Variants in SLC35E3 observed in about 807,000 individuals in gnomAD.
SLC35E3 encodes bladder cancer-overexpressed gene 1 protein.
A neutral mutation model predicts 30.8 loss-of-function variants in SLC35E3; 28 were observed. That is an observed-to-expected ratio of 0.91 (90% CI 0.67 to 1.25). SLC35E3 has a LOEUF of 1.25. Among genes scored for constraint, SLC35E3 ranks in the 50% most tolerant of loss-of-function variants. SLC35E3 has a pLI of 0.00. For synonymous variants in SLC35E3, 146 were observed against 149.2 expected (o/e 0.98, Z 0.16); for missense variants, 365 against 375.4 (o/e 0.97, Z 0.23).
At chr12:68,759,323 A>C (rs973667645) in intron 4 of SLC35E3, 84 bp downstream of exon 4, 2 of 959,102 alleles carry the variant, frequency 2.1e-6, no homozygotes, top group Non-Finnish European at 3.3e-6. Context: ...TGAATCTCAC[A>C]CTAACTATTG....
At chr12:68,763,966 C>T (rs1879304955) in intron 4 of SLC35E3, among the ~76,000 whole-genome samples, 1 of 152,086 alleles carries the variant, frequency 6.6e-6, no homozygotes, top group South Asian at 2.1e-4. Flanking sequence ...TGCCTAACTT[C>T]GACGATTTCA....
chr12:68,747,260 CT>C (rs1263086525), intron 1 of SLC35E3, among the ~76,000 whole-genome samples: 4 of 140,654 alleles, frequency 2.8e-5, no homozygotes, highest in Non-Finnish European at 6.3e-5. Flanking sequence ...TATTTAAGGT[CT>C]TTTTCTTTTT....
chr12:68,755,555 A>G (rs754408671), intron 3 of SLC35E3, among the ~76,000 whole-genome samples: 40 of 152,210 alleles, frequency 2.6e-4, no homozygotes, highest in Non-Finnish European at 3.7e-4. Flanking sequence ...TAAAGAAAAG[A>G]GGTTTATTTT....
At position 68,764,754 on chromosome 12, in the gene SLC35E3, A is replaced by G; in HGVS notation, c.806A>G (p.Tyr269Cys). ...TTCTGCATTACTTTATTCGGAGGAT[A>G]TGTTTTATTTAAGGATCCACTGTCC... Reference protein sequence around the residue: ...FKFCITLFGGYVLFKDPLSIN... With the variant: ...FKFCITLFGGCVLFKDPLSIN... The change falls in exon 5 of 5, where the codon TAT becomes TGT. Residue 269 changes from tyrosine to cysteine, a missense_variant. Physicochemically the swap from Tyr to Cys is radical, Grantham distance 194. Coordinates refer to ENST00000398004, the MANE Select transcript of SLC35E3 (RefSeq NM_018656.5). 6.2e-7 allele frequency: 1 copy of G among 1,614,132 alleles called. No individual in the cohort carries two copies. The highest frequency in any genetic ancestry group is 8.5e-7 in the Non-Finnish European group (1 of 1,180,034).
chr12:68,746,931 GA>G, intron 1 of SLC35E3, 152 bp downstream of exon 1: 1 of 880,558 alleles, frequency 1.1e-6, no homozygotes, highest in Non-Finnish European at 1.7e-6. Flanking sequence ...TTATTTTAGG[GA>G]GGGGGAAAAG....
rs1215464466 is a variant in SLC35E3 at position 68,771,317 on chromosome 12, AG to A, written c.*6429del. ...TGTTAATCAAATAATTAGTTTATAG[AG>A]GCCCAGAACTCAGGAAAATGTTTAG... On this transcript the variant is annotated 3_prime_UTR_variant, in exon 5 of 5. Transcript: ENST00000398004. The A allele has an allele frequency of 6.6e-6, 1 of 152,080 alleles. No homozygotes were observed. Among genetic ancestry groups the A allele is most frequent in the East Asian group, 1.9e-4 (1 of 5,194 alleles). The allele number at this position is 152,080 out of a possible 1,614,324, so 9.4% of individuals were successfully genotyped here. A position where few individuals can be genotyped will look rare whatever the true frequency, so the allele number is the denominator to read the frequency against.
In SLC35E3 at chr12:68,746,684, T is replaced by C; in HGVS notation, c.307T>C (p.Tyr103His). The part of the protein sequence containing the change: ...LSLQNNTIGT[Y>H]QLAKAMTTPV... The stretch of plus-strand genomic sequence containing the variant: ...TCTGCAGAACAACACCATAGGCACC[T>C]ATCAGCTGGCCAAGGCCATGACCAC... The change falls in exon 1 of 5, where the codon TAT becomes CAT. Residue 103 changes from tyrosine to histidine, a missense_variant. Physicochemically the swap from Tyr to His is moderately conservative, Grantham distance 83. Coordinates refer to ENST00000398004, the MANE Select transcript of SLC35E3 (RefSeq NM_018656.5). 1 of 1,614,230 alleles carries C rather than the reference T, an allele frequency of 6.2e-7. No individual in the cohort carries two copies. The highest frequency in any genetic ancestry group is 8.5e-7 in the Non-Finnish European group (1 of 1,180,034).
chr12:68,751,704 C>G (rs567893827), intron 2 of SLC35E3, among the ~76,000 whole-genome samples: 1 of 152,284 alleles, frequency 6.6e-6, no homozygotes. Flanking sequence ...TTCCCAAGAT[C>G]TTTTATCCTT....
Position 68,746,388 on chromosome 12 carries a change from T to C in SLC35E3, c.11T>C (p.Leu4Pro), listed in dbSNP as rs1878556955. 6.3e-7 allele frequency: 1 copy of C among 1,595,400 alleles called. No individual in the cohort carries two copies. Among genetic ancestry groups the C allele is most frequent in the African/African-American group, 1.3e-5 (1 of 74,852 alleles). The change falls in exon 1 of 5, where the codon CTG becomes CCG. Residue 4 changes from leucine to proline, a missense_variant. Transcript: ENST00000398004. MALLVDRVRGHWRI... is the reference protein window; with the variant it reads MALPVDRVRGHWRI... ...AGCTTCGCGGGGATCATGGCATTGC[T>C]GGTGGACCGAGTGCGGGGCCACTGG...
rs1022790217 is a variant in SLC35E3, at chr12:68,770,363, T to C, written c.*5473T>C. On this transcript the variant is annotated 3_prime_UTR_variant, in exon 5 of 5. Transcript: ENST00000398004. ...CACAGTAAATTTCTTTTTTTGAAAT[T>C]AGTGGAGGAGAACCAGAGAGATGCC... is the stretch of plus-strand genomic sequence containing the variant. 1 of 152,238 alleles carries C rather than the reference T, an allele frequency of 6.6e-6. No individual in the cohort carries two copies. Among genetic ancestry groups the C allele is most frequent in the African/African-American group, 2.4e-5 (1 of 41,400 alleles). 9.4% of individuals were successfully genotyped at this position (152,238 alleles called of 1,614,324 possible).
chr12:68,746,176 G>A lies in SLC35E3; in HGVS notation c.-202G>A, dbSNP rs985988023. On this transcript the variant is annotated 5_prime_UTR_variant, in exon 1 of 5. Transcript: ENST00000398004. ...AGCGGGGCGTGGGACGTGCTGCGGC[G>A]TCCTAGCTGGCTTACAGGGCGGCGG... 13 of 482,006 alleles carry A rather than the reference G, an allele frequency of 2.7e-5. No individual in the cohort carries two copies. The highest frequency in any genetic ancestry group is 1.5e-4 in the Admixed American group (4 of 26,296). 29.9% of individuals were successfully genotyped at this position (482,006 alleles called of 1,614,324 possible).
rs1449200890 is a variant in SLC35E3 at position 68,766,573 on chromosome 12, A to C, written c.*1683A>C. 4.3e-6 allele frequency: 1 copy of C among 230,552 alleles called. No individual in the cohort carries two copies. The highest frequency in any genetic ancestry group is 9.1e-6 in the Non-Finnish European group (1 of 109,910). 14.3% of individuals were successfully genotyped at this position (230,552 alleles called of 1,614,324 possible). The stretch of plus-strand genomic sequence containing the variant: ...ATTGAACATGTTTGTTAGCTGTTTG[A>C]GCATTTTATATTGGTAAATTTTTTA... On this transcript the variant is annotated 3_prime_UTR_variant, in exon 5 of 5. Coordinates refer to ENST00000398004, the MANE Select transcript of SLC35E3 (RefSeq NM_018656.5).
At chr12:68,750,861 T>C (rs1258057984) in intron 2 of SLC35E3, among the ~76,000 whole-genome samples, 1 of 152,212 alleles carries the variant, frequency 6.6e-6, no homozygotes, top group African/African-American at 2.4e-5. Flanking sequence ...GATGGATTTC[T>C]ATAGACTTAG....
chr12:68,774,060 C>G lies in SLC35E3; in HGVS notation c.*9170C>G, dbSNP rs1433012701. On this transcript the variant is annotated 3_prime_UTR_variant, in exon 5 of 5. Coordinates refer to ENST00000398004, the MANE Select transcript of SLC35E3 (RefSeq NM_018656.5). ...TGGTAGTGTCTATTACCACCTCCTT[C>G]CTGCCTTAAATGTAGCTGCGGATGT... The G allele has an allele frequency of 2.0e-5, 3 of 152,146 alleles. No homozygotes were observed. The highest frequency in any genetic ancestry group is 4.4e-5 in the Non-Finnish European group (3 of 68,040). 9.4% of individuals were successfully genotyped at this position (152,146 alleles called of 1,614,324 possible). A position where few individuals can be genotyped will look rare whatever the true frequency, so the allele number is the denominator to read the frequency against.
Position 68,778,370 on chromosome 12 carries a change from T to C in SLC35E3, c.*13480T>C, listed in dbSNP as rs1485959192. ...TAGTAACCTTGTCTAATAGGTTATCTGTACTCAACAAGCCTAGAACACACA... is the reference window on the plus strand; with the variant it reads ...TAGTAACCTTGTCTAATAGGTTATCCGTACTCAACAAGCCTAGAACACACA... On this transcript the variant is annotated 3_prime_UTR_variant, in exon 5 of 5. Transcript: ENST00000398004. The C allele has an allele frequency of 2.7e-5, 4 of 149,516 alleles. No homozygotes were observed. The highest frequency in any genetic ancestry group is 6.0e-5 in the Non-Finnish European group (4 of 66,324). 9.3% of individuals were successfully genotyped at this position (149,516 alleles called of 1,614,324 possible).
In SLC35E3 at chr12:68,765,022, C is replaced by A; in HGVS notation, c.*132C>A. ...CTGTAATCCCAGCACTTTGGGAGGC[C>A]AAGGCCAGCGGATCACTTGAGGTCA... On this transcript the variant is annotated 3_prime_UTR_variant, in exon 5 of 5. Coordinates refer to ENST00000398004, the MANE Select transcript of SLC35E3 (RefSeq NM_018656.5). 2.6e-6 allele frequency: 2 copies of A among 757,296 alleles called. No individual in the cohort carries two copies. Among genetic ancestry groups the A allele is most frequent in the Non-Finnish European group, 4.1e-6 (2 of 490,460 alleles). The allele number at this position is 757,296 out of a possible 1,614,324, so 46.9% of individuals were successfully genotyped here.
At position 68,779,819 on chromosome 12, in the gene SLC35E3, T is replaced by A. The variant is rs926817447; in HGVS notation, c.*14929T>A. Reference sequence around the variant, plus strand: ...CGGGCATGGTGGTAGACACCTGTAGTCCCAGCTACTTGGGAAGATGAGGCA... The same window carrying A: ...CGGGCATGGTGGTAGACACCTGTAGACCCAGCTACTTGGGAAGATGAGGCA... On this transcript the variant is annotated 3_prime_UTR_variant, in exon 5 of 5. Coordinates refer to ENST00000398004, the MANE Select transcript of SLC35E3 (RefSeq NM_018656.5). 1 of 152,096 alleles carries A rather than the reference T, an allele frequency of 6.6e-6. No homozygotes were observed. The highest frequency in any genetic ancestry group is 2.4e-5 in the African/African-American group (1 of 41,392). 9.4% of individuals were successfully genotyped at this position (152,096 alleles called of 1,614,324 possible).
In SLC35E3 at chr12:68,772,446, T is replaced by C. The variant is rs1469212937; in HGVS notation, c.*7556T>C. On this transcript the variant is annotated 3_prime_UTR_variant, in exon 5 of 5. Transcript: ENST00000398004. ...CATTTAATGTAATCATATTACTTTC[T>C]TATATTAGAAGATAGGATTTCTTCT... The C allele has an allele frequency of 2.0e-5, 3 of 152,216 alleles. No homozygotes were observed. The highest frequency in any genetic ancestry group is 4.4e-5 in the Non-Finnish European group (3 of 68,034). 9.4% of individuals were successfully genotyped at this position (152,216 alleles called of 1,614,324 possible). A position where few individuals can be genotyped will look rare whatever the true frequency, so the allele number is the denominator to read the frequency against.
In SLC35E3 at chr12:68,768,362, C is replaced by T. The variant is rs1879510743; in HGVS notation, c.*3472C>T. ...GGAGGGTGTTATATAATATATGTGT[C>T]AGTAGGAAGGCAGTAAGAAGATTGG... On this transcript the variant is annotated 3_prime_UTR_variant, in exon 5 of 5. Transcript: ENST00000398004. The T allele has an allele frequency of 1.3e-5, 2 of 151,702 alleles. No individual in the cohort carries two copies. Among genetic ancestry groups the T allele is most frequent in the South Asian group, 4.2e-4 (2 of 4,810 alleles). 9.4% of individuals were successfully genotyped at this position (151,702 alleles called of 1,614,324 possible).
Sources: allele counts gnomAD v4.1 joint callset (sites outside exome capture counted in the v4.1 genomes callset), GRCh38; gene constraint gnomAD v4.1.1; transcripts MANE v1.5; gene names NCBI Gene and HGNC (gene_info 2026-07-23, HGNC 2026-07-21).